Variants in U2AF2 observed in about 807,000 individuals in gnomAD.
U2AF2 encodes U2 small nuclear RNA auxiliary factor 2.
Under a neutral mutation model 52.6 loss-of-function variants are expected in U2AF2, and 6 were observed. The observed-to-expected ratio is 0.11, with a 90% confidence interval of 0.06 to 0.23. U2AF2 has a LOEUF of 0.23. Among genes scored for constraint, U2AF2 ranks in the 10% least tolerant of loss-of-function variants. U2AF2 has a pLI of 1.00. For missense variants in U2AF2, 222 were observed against 677.1 expected, an observed-to-expected ratio of 0.33 and a Z score of 7.46; for synonymous variants, 284 against 258.2, an observed-to-expected ratio of 1.10 and a Z score of -0.96.
intron 2 of U2AF2, among the ~76,000 whole-genome samples, 171 bp from the exon 3 acceptor site, chr19:55,660,006 G>A (rs1223638099): frequency 6.6e-6 from 1 of 151,982 alleles, no homozygotes; most frequent in African/African-American, 2.4e-5. Flanking sequence ...TCTTTCCTGG[G>A]GGTGGGAGTG....
chr19:55,657,495 C>T (rs904871549), intron 1 of U2AF2, among the ~76,000 whole-genome samples: 1 of 152,126 alleles, frequency 6.6e-6, no homozygotes, highest in South Asian at 2.1e-4. Context: ...GCTTTCTCTG[C>T]GTGGGTTCCT....
chr19:55,658,587 C>G (rs1298175344), intron 1 of U2AF2, among the ~76,000 whole-genome samples: 2 of 152,118 alleles, frequency 1.3e-5, no homozygotes, highest in Non-Finnish European at 2.9e-5. Context: ...CCTCCCCTGA[C>G]CTGCTGAAGG....
intron 7 of U2AF2, 98 bp downstream of exon 7, chr19:55,663,842 G>A (rs946858937): frequency 6.5e-7 from 1 of 1,537,388 alleles, no homozygotes; most frequent in Non-Finnish European, 8.8e-7. Context: ...AGGAAGTTGT[G>A]TAAGTACTGT....
chr19:55,665,085 A>G (rs956142256), intron 7 of U2AF2, among the ~76,000 whole-genome samples: 2 of 152,170 alleles, frequency 1.3e-5, no homozygotes, highest in Admixed American at 6.5e-5. Context: ...ATATGTTGAC[A>G]TGCTCCCAAT....
intron 10 of U2AF2, 114 bp downstream of exon 10, chr19:55,669,295 T>C (rs1329939627): frequency 2.6e-6 from 4 of 1,552,886 alleles, no homozygotes; most frequent in Non-Finnish European, 3.5e-6. Flanking sequence ...TTGGGGGGCA[T>C]TCAGTGCAGT....
At chr19:55,660,697 T>C in intron 4 of U2AF2, 78 bp downstream of exon 4, 1 of 1,391,248 alleles carries the variant, frequency 7.2e-7, no homozygotes, top group Non-Finnish European at 1.0e-6. Context: ...CCCCTGCGTG[T>C]GTGCTTGGAG....
chr19:55,656,283 T>C (rs1983790514), intron 1 of U2AF2, among the ~76,000 whole-genome samples: 1 of 152,144 alleles, frequency 6.6e-6, no homozygotes, highest in African/African-American at 2.4e-5. Context: ...GAGGACGAAA[T>C]GAGGGCTGAG....
chr19:55,672,387 C>A (rs534400197), intron 11 of U2AF2, among the ~76,000 whole-genome samples: 18 of 152,180 alleles, frequency 1.2e-4, no homozygotes, highest in African/African-American at 4.3e-4. Flanking sequence ...GTTTATTTCA[C>A]CTGAGATCCT....
Position 55,659,366 on chromosome 19 carries a change from C to T in U2AF2, c.185+21C>T, listed in dbSNP as rs535366223. On this transcript the variant is annotated intron_variant, in intron 2 of 11. Transcript: ENST00000308924. ...CGCAGGTACTAGGGCTCAGGGATCCCCTGGGCCAGCCTGGGAGTCGGGGGG... is the reference window on the plus strand; with the variant it reads ...CGCAGGTACTAGGGCTCAGGGATCCTCTGGGCCAGCCTGGGAGTCGGGGGG... 1.9e-3 allele frequency: 2,757 copies of T among 1,462,348 alleles called. 30 individuals are homozygous for T. The highest frequency in any genetic ancestry group is 0.014 in the South Asian group (1,028 of 74,290). 90.6% of individuals were successfully genotyped at this position (1,462,348 alleles called of 1,614,324 possible). A position where few individuals can be genotyped will look rare whatever the true frequency, so the allele number is the denominator to read the frequency against.
In U2AF2 at chr19:55,655,040, A is replaced by G. The variant is rs1438354477; in HGVS notation, c.-65A>G. On this transcript the variant is annotated 5_prime_UTR_variant, in exon 1 of 12. Coordinates refer to ENST00000308924, the MANE Select transcript of U2AF2 (RefSeq NM_007279.3). ...CCGAAGCCAGCGGCGGAAGTAGCCG[A>G]AGCGGCTGGAGCGGGCGGCAAGGCG... 6.3e-7 allele frequency: 1 copy of G among 1,589,610 alleles called. No individual in the cohort carries two copies.
chr19:55,656,975 G>T (rs1983835468), intron 1 of U2AF2, among the ~76,000 whole-genome samples: 1 of 152,196 alleles, frequency 6.6e-6, no homozygotes, highest in South Asian at 2.1e-4. Flanking sequence ...TACGACCCTC[G>T]TTTAAAGAGA....
At chr19:55,673,209 G>A (rs1985034879) in intron 11 of U2AF2, among the ~76,000 whole-genome samples, 2 of 152,172 alleles carry the variant, frequency 1.3e-5, no homozygotes. Flanking sequence ...GTGAGCCACT[G>A]TGCCCAGCCG....
intron 1 of U2AF2, among the ~76,000 whole-genome samples, chr19:55,656,198 A>G (rs991398093): frequency 2.0e-5 from 3 of 152,272 alleles, no homozygotes; most frequent in Middle Eastern, 3.2e-3. Flanking sequence ...CAGTTTGTGA[A>G]GAAATACAGG....
At chr19:55,666,828 C>G (rs977182980) in intron 7 of U2AF2, among the ~76,000 whole-genome samples, 2 of 152,264 alleles carry the variant, frequency 1.3e-5, no homozygotes, top group Non-Finnish European at 2.9e-5. Context: ...CCCATTCTTC[C>G]TTGGACCCAG....
At chr19:55,655,449 G>C (rs748542039) in intron 1 of U2AF2, among the ~76,000 whole-genome samples, 1 of 152,256 alleles carries the variant, frequency 6.6e-6, no homozygotes, top group African/African-American at 2.4e-5. Context: ...CGCGCCAGAT[G>C]CCTCGACGTG....
Position 55,669,495 on chromosome 19 carries a change from T to A in U2AF2, c.1096T>A (p.Ser366Thr), listed in dbSNP as rs949734297. The change falls in exon 11 of 12, where the codon TCC becomes ACC. Residue 366 changes from serine (S) to threonine (T), a missense_variant. Coordinates refer to ENST00000308924, the MANE Select transcript of U2AF2 (RefSeq NM_007279.3). The stretch of plus-strand genomic sequence containing the variant: ...CCTGCAAGTGCCGGGCTTGATGAGC[T>A]CCCAGGTGCAGATGGGCGGCCACCC... ...VTLQVPGLMS[S>T]QVQMGGHPTE... The A allele has an allele frequency of 6.2e-7, 1 of 1,613,588 alleles. No individual in the cohort carries two copies. Among genetic ancestry groups the A allele is most frequent in the Admixed American group, 1.7e-5 (1 of 59,988 alleles).
intron 2 of U2AF2, among the ~76,000 whole-genome samples, chr19:55,659,696 CTCTCTGTGGG>C (rs1984037821): frequency 6.6e-6 from 1 of 152,002 alleles, no homozygotes; most frequent in Non-Finnish European, 1.5e-5. Context: ...CTCTCTGTGG[CTCTCTGTGGG>C]ACTCTCTTCG....
intron 1 of U2AF2, among the ~76,000 whole-genome samples, chr19:55,655,962 C>T (rs554931473): frequency 2.0e-5 from 3 of 152,234 alleles, no homozygotes; most frequent in Admixed American, 6.5e-5. Context: ...AATACTCAGT[C>T]TCAGATCTCA....
chr19:55,665,317 T>C (rs927463798), intron 7 of U2AF2, among the ~76,000 whole-genome samples: 4 of 143,558 alleles, frequency 2.8e-5, no homozygotes, highest in African/African-American at 1.0e-4. Flanking sequence ...GTGCCCTCCA[T>C]GGACGGCAGT....
Sources: allele counts gnomAD v4.1 joint callset (sites outside exome capture counted in the v4.1 genomes callset), GRCh38; gene constraint gnomAD v4.1.1; transcripts MANE v1.5; gene names NCBI Gene and HGNC (gene_info 2026-07-23, HGNC 2026-07-21).